Variants in GALNT13 observed in about 807,000 individuals in gnomAD.
GALNT13 encodes the protein polypeptide N-acetylgalactosaminyltransferase 13, also known as UDP-GalNAc:polypeptide N-acetylgalactosaminyltransferase 13.
A neutral mutation model predicts 64.2 loss-of-function variants in GALNT13; 28 were observed. The observed-to-expected ratio is 0.44, with a 90% CI of 0.32 to 0.60. The LOEUF (loss-of-function observed/expected upper bound fraction) is 0.60. Among genes scored for constraint, GALNT13 ranks in the 20% least tolerant of loss-of-function variants. The pLI is 0.05. For missense variants in GALNT13, 577 were observed against 669.8 expected (o/e 0.86, Z 1.53); for synonymous variants, 214 against 224.6 (o/e 0.95, Z 0.42).
chr2:154,228,314 A>C (rs915265081), intron 4 of GALNT13, among the ~76,000 whole-genome samples: 6 of 152,036 alleles, frequency 3.9e-5, no homozygotes, highest in African/African-American at 1.4e-4. Context: ...ATCTTAATTG[A>C]CCCTATCTCT....
intron 4 of GALNT13, among the ~76,000 whole-genome samples, chr2:154,142,566 A>G (rs900395741): frequency 1.3e-5 from 2 of 150,926 alleles, no homozygotes; most frequent in African/African-American, 4.9e-5. Flanking sequence ...AAAAAAAAAA[A>G]AAAAAAAGAA....
chr2:154,081,178 ATCTCTGGT>A (rs1157210807), intron 3 of GALNT13, among the ~76,000 whole-genome samples: 2 of 151,530 alleles, frequency 1.3e-5, no homozygotes, highest in East Asian at 3.9e-4. Flanking sequence ...CTCTATGTAA[ATCTCTGGT>A]TCATTTCTCG....
chr2:153,677,471 G>A, the GALNT13 span, among the ~76,000 whole-genome samples: 1 of 151,824 alleles, frequency 6.6e-6, no homozygotes, highest in Non-Finnish European at 1.5e-5. Flanking sequence ...TGTTAGAATG[G>A]TCATACTACC....
the GALNT13 span, among the ~76,000 whole-genome samples, chr2:153,697,916 C>G: frequency 6.6e-6 from 1 of 152,064 alleles, no homozygotes. Flanking sequence ...GACTTAGGCC[C>G]AAGAAGAAAG....
the GALNT13 span, among the ~76,000 whole-genome samples, chr2:153,377,862 C>A: frequency 1.3e-5 from 2 of 152,028 alleles, no homozygotes; most frequent in Non-Finnish European, 2.9e-5. Context: ...AGTTCGAGAA[C>A]CAGCCAAGAA....
At chr2:154,414,179 G>T (rs553749368) in intron 11 of GALNT13, among the ~76,000 whole-genome samples, 1 of 152,026 alleles carries the variant, frequency 6.6e-6, no homozygotes, top group East Asian at 1.9e-4. Context: ...AAAATTAGAA[G>T]GCTTTTAAGG....
chr2:153,230,816 CT>C, the GALNT13 span, among the ~76,000 whole-genome samples: 4 of 152,138 alleles, frequency 2.6e-5, no homozygotes, highest in Non-Finnish European at 5.9e-5. Flanking sequence ...GGCTTTTGGT[CT>C]TTCAGGAATT....
chr2:154,047,143 T>G (rs958503400), intron 3 of GALNT13, among the ~76,000 whole-genome samples: 1 of 152,170 alleles, frequency 6.6e-6, no homozygotes, highest in Non-Finnish European at 1.5e-5. Context: ...TGCTTTCTAT[T>G]CTTATTTTCT....
the GALNT13 span, among the ~76,000 whole-genome samples, chr2:153,428,280 G>A: frequency 2.6e-5 from 4 of 152,092 alleles, no homozygotes; most frequent in African/African-American, 9.7e-5. Context: ...TCCTGGTGAG[G>A]CCTAGGAAGG....
At chr2:153,685,379 C>G in the GALNT13 span, among the ~76,000 whole-genome samples, 2 of 151,994 alleles carry the variant, frequency 1.3e-5, no homozygotes, top group Non-Finnish European at 2.9e-5. Context: ...GAGATGATAT[C>G]TCATTGTGGT....
chr2:153,872,613 T>G (rs752475926), intron 1 of GALNT13, among the ~76,000 whole-genome samples: 1 of 60,756 alleles, frequency 1.6e-5, no homozygotes, highest in Non-Finnish European at 2.9e-5. Flanking sequence ...GGTGAGTTGT[T>G]GGTGGCGGGG....
At chr2:153,535,163 T>A in the GALNT13 span, among the ~76,000 whole-genome samples, 3 of 151,890 alleles carry the variant, frequency 2.0e-5, no homozygotes, top group Admixed American at 6.6e-5. Context: ...GTGGGGATGT[T>A]AGAAGAAACA....
At chr2:153,357,371 T>C in the GALNT13 span, 1 of 152,214 alleles carries the variant, frequency 6.6e-6, no homozygotes, top group African/African-American at 2.4e-5. Flanking sequence ...TTATTCTTTA[T>C]TACATTGCAT....
At chr2:153,516,364 G>A in the GALNT13 span, among the ~76,000 whole-genome samples, 1 of 152,266 alleles carries the variant, frequency 6.6e-6, no homozygotes, top group African/African-American at 2.4e-5. Context: ...TTAAGGAGGT[G>A]GAGAGTTTGA....
At chr2:153,116,266 C>T in the GALNT13 span, among the ~76,000 whole-genome samples, 36 of 152,054 alleles carry the variant, frequency 2.4e-4, no homozygotes, top group African/African-American at 7.0e-4. Context: ...GTTAAATGTT[C>T]TTATTAAAAA....
chr2:154,403,586 A>G (rs1437166194), intron 10 of GALNT13, among the ~76,000 whole-genome samples: 1 of 152,170 alleles, frequency 6.6e-6, no homozygotes, highest in Non-Finnish European at 1.5e-5. Flanking sequence ...CACACTGCTT[A>G]TCTCTCAGGT....
the GALNT13 span, among the ~76,000 whole-genome samples, chr2:153,611,867 C>T: frequency 6.6e-6 from 1 of 151,482 alleles, no homozygotes; most frequent in Non-Finnish European, 1.5e-5. Flanking sequence ...GTCCCCCACC[C>T]CCCAACAGTC....
intron 10 of GALNT13, among the ~76,000 whole-genome samples, chr2:154,402,047 C>T (rs1418137479): frequency 3.3e-5 from 5 of 152,094 alleles, no homozygotes; most frequent in Non-Finnish European, 1.5e-5. Context: ...TGCAAATGTG[C>T]TTATTTCTGT....
the GALNT13 span, among the ~76,000 whole-genome samples, chr2:153,547,312 C>T: frequency 7.9e-5 from 12 of 152,226 alleles, no homozygotes; most frequent in African/African-American, 2.6e-4. Context: ...TGTACTATGT[C>T]GAAATACTCT....
Sources: allele counts gnomAD v4.1 joint callset (sites outside exome capture counted in the v4.1 genomes callset), GRCh38; gene constraint gnomAD v4.1.1; transcripts MANE v1.5; gene names NCBI Gene and HGNC (gene_info 2026-07-23, HGNC 2026-07-21).